The following CDH24 variants were observed in gnomAD, a reference collection of about 807,000 sequenced individuals.
The protein encoded by CDH24 is cadherin 24, also known as cadherin-24.
Under a neutral mutation model 71.2 loss-of-function variants are expected in CDH24, and 61 were observed. The ratio of observed to expected loss-of-function variants is 0.86; its 90% CI spans 0.70 to 1.06. The LOEUF (loss-of-function observed/expected upper bound fraction) is 1.06. Ranked by LOEUF, CDH24 falls within the 50% of genes least tolerant of loss-of-function variation. CDH24 has a pLI of 0.00. For synonymous variants in CDH24, 440 were observed against 470.2 expected (o/e 0.94, Z 0.83); for missense variants, 961 against 1,083.7 (o/e 0.89, Z 1.59).
chr14:23,048,277 G>GTCTCGGCGCGCGGGAGGGCC lies in CDH24; in HGVS notation c.2029_2048dup (p.Asp683GlufsTer127). ...GCGACACCCGGGCCCGGGGCAACACGTCTCGGCGCGCGGGAGGGCCGGGCG... is the reference window on the plus strand; with the variant it reads ...GCGACACCCGGGCCCGGGGCAACACGTCTCGGCGCGCGGGAGGGCCTCTCGGCGCGCGGGAGGGCCGGGCG... On this transcript the variant is annotated frameshift_variant, in exon 12 of 13. Coordinates refer to ENST00000487137, the MANE Select transcript of CDH24 (RefSeq NM_144985.4). LOFTEE classifies it high-confidence loss of function. 6.4e-7 allele frequency: 1 copy of GTCTCGGCGCGCGGGAGGGCC among 1,564,800 alleles called. No homozygotes were observed. The highest frequency in any genetic ancestry group is 8.6e-7 in the Non-Finnish European group (1 of 1,160,996).
Position 23,054,928 on chromosome 14 carries a change from TG to T in CDH24, c.497-63del, listed in dbSNP as rs11418548. 131 of 1,576,214 alleles carry T rather than the reference TG, an allele frequency of 8.3e-5. No individual in the cohort carries two copies. The highest frequency in any genetic ancestry group is 2.1e-4 in the African/African-American group (15 of 72,812). ...GGGAAGGATGGGGAAGAACAACCGA[TG>T]GGGGGGGATGCAGATACGAGGGAGG... On this transcript the variant is annotated intron_variant, in intron 3 of 12. Transcript: ENST00000487137. This position sits in a 1 kb window ranked among gnomAD's most constrained non-coding sequence, Gnocchi z 5.2.
In CDH24 at chr14:23,047,178, G is replaced by A. The variant is rs1045318785; in HGVS notation, c.*716C>T. ...CCCCTTTCCTTTCCCTACTCCCTCA[G>A]GAAGCACACAAGACAATGCCCAGGG... On this transcript the variant is annotated 3_prime_UTR_variant, in exon 13 of 13. Coordinates refer to ENST00000487137, the MANE Select transcript of CDH24 (RefSeq NM_144985.4). 3.3e-5 allele frequency: 5 copies of A among 152,346 alleles called. No individual in the cohort carries two copies. Among genetic ancestry groups the A allele is most frequent in the African/African-American group, 1.2e-4 (5 of 41,458 alleles). The allele number at this position is 152,346 out of a possible 1,614,324, so 9.4% of individuals were successfully genotyped here.
intron 11 of CDH24, 144 bp from the exon 12 acceptor site, chr14:23,048,623 C>A (rs1468711663): frequency 7.5e-6 from 6 of 800,178 alleles, no homozygotes; most frequent in Non-Finnish European, 1.2e-5. Context: ...TGAATCCTGA[C>A]TTCAGCCCTT....
Position 23,051,084 on chromosome 14 carries a change from G to A in CDH24, c.1364-1141C>T, listed in dbSNP as rs2047082368. On this transcript the variant is annotated intron_variant, in intron 8 of 12. Coordinates refer to ENST00000487137, the MANE Select transcript of CDH24 (RefSeq NM_144985.4). The surrounding 1 kb of genome is among the most constrained non-coding windows in gnomAD (Gnocchi z 4.4). ...ATAAGCAGCCAAAAACATACTGTGTGTACACGGACACACACGGCCATCCAC... is the reference window on the plus strand; with the variant it reads ...ATAAGCAGCCAAAAACATACTGTGTATACACGGACACACACGGCCATCCAC... 6.6e-6 allele frequency among the ~76,000 whole-genome samples: 1 copy of A among 152,080 alleles called. No individual in the cohort carries two copies. The highest frequency in any genetic ancestry group is 2.1e-4 in the South Asian group (1 of 4,832).
In CDH24 at chr14:23,048,408, C is replaced by T; in HGVS notation, c.1918G>A (p.Val640Ile). ...TCGTAGGTGATGATGTTCTCTCGGA[C>T]GTCCTCCTCCTCCAGTACCATCAGT... ...EALMVLEEED[V>I]RENIITYDDE... The change falls in exon 12 of 13, where the codon GTC becomes ATC. Residue 640 changes from valine to isoleucine, a missense_variant. By Grantham distance (29) the Val-to-Ile change is conservative. This residue lies in a region of CDH24 where 290 missense variants were observed against 272.8 expected (regional missense o/e 1.06). Coordinates refer to ENST00000487137, the MANE Select transcript of CDH24 (RefSeq NM_144985.4). 1 of 1,612,440 alleles carries T rather than the reference C, an allele frequency of 6.2e-7. No individual in the cohort carries two copies. Among genetic ancestry groups the T allele is most frequent in the Non-Finnish European group, 8.5e-7 (1 of 1,179,638 alleles).
At chr14:23,052,980 C>T (rs1032393877) in intron 7 of CDH24, among the ~76,000 whole-genome samples, 2 of 152,136 alleles carry the variant, frequency 1.3e-5, no homozygotes, top group African/African-American at 2.4e-5. Flanking sequence ...TGTTTAACCT[C>T]TATTTACTCA....
chr14:23,049,124 G>A lies in CDH24; in HGVS notation c.1749C>T (p.Gly583=), dbSNP rs764261647. ...CCTCAGGCCAGCAGGATGCCACAGA[G>A]CCGTCAGGCTGGCAGCGGCACACAC... ...TVSVCRCQPD[G]SVASCWPEAH... is the part of the protein sequence containing the mutation. Residue 583 remains glycine, a synonymous_variant, in exon 11 of 13, where the codon GGC becomes GGT. Coordinates refer to ENST00000487137, the MANE Select transcript of CDH24 (RefSeq NM_144985.4). 2 of 1,607,008 alleles carry A rather than the reference G, an allele frequency of 1.2e-6. No individual in the cohort carries two copies. Among genetic ancestry groups the A allele is most frequent in the Admixed American group, 1.7e-5 (1 of 59,056 alleles).
At position 23,049,045 on chromosome 14, in the gene CDH24, A is replaced by G; in HGVS notation, c.1828T>C (p.Cys610Arg). ...GACTCACCAAGCAGGGCACCCACAC[A>G]GGTGATGATGGCAAGCAGGGCGCCG... ...STGALLAIIT[C>R]VGALLALVVL... The change falls in exon 11 of 13, where the codon TGT (cysteine) becomes CGT (arginine). Residue 610 changes from cysteine to arginine, a missense_variant. Cys to Arg is a radical substitution (Grantham distance 180). This residue lies in a region of CDH24 where 290 missense variants were observed against 272.8 expected (regional missense o/e 1.06). Coordinates refer to ENST00000487137, the MANE Select transcript of CDH24 (RefSeq NM_144985.4). 1 of 1,612,604 alleles carries G rather than the reference A, an allele frequency of 6.2e-7. No homozygotes were observed. The highest frequency in any genetic ancestry group is 8.5e-7 in the Non-Finnish European group (1 of 1,179,842).
intron 7 of CDH24, 23 bp downstream of exon 7, chr14:23,053,473 A>C: frequency 6.5e-7 from 1 of 1,542,088 alleles, no homozygotes; most frequent in Middle Eastern, 2.0e-4. Flanking sequence ...CTGGCTCCCC[A>C]GCCCACATCC....
intron 10 of CDH24, 27 bp downstream of exon 10, chr14:23,049,600 T>C (rs1300887668): frequency 1.5e-6 from 2 of 1,309,266 alleles, no homozygotes; most frequent in African/African-American, 1.5e-5. Context: ...GAGGCAGGTA[T>C]GGACATGGCT....
chr14:23,054,640 C>G lies in CDH24; in HGVS notation c.650G>C (p.Arg217Pro), dbSNP rs778309563. ...VVRTAIPNMD[R>P]ETQEEFLVVI... ...CACCAAGAACTCCTCCTGTGTCTCC[C>G]GGTCCATGTTGGGGATGGCTGTACG... The change falls in exon 5 of 13, where the codon CGG becomes CCG. Residue 217 changes from arginine (R) to proline (P), a missense_variant. Physicochemically the swap from Arg to Pro is moderately radical, Grantham distance 103. Coordinates refer to ENST00000487137, the MANE Select transcript of CDH24 (RefSeq NM_144985.4). The surrounding 1 kb of genome is among the most constrained non-coding windows in gnomAD (Gnocchi z 5.2). The G allele has an allele frequency of 6.2e-7, 1 of 1,613,974 alleles. No individual in the cohort carries two copies.
chr14:23,051,346 G>A lies in CDH24; in HGVS notation c.1363+1127C>T, dbSNP rs756070493. Reference sequence around the variant, plus strand: ...AGTTACTTAACTTCTCTTTGCCTGAGTTTATTGTTTAAAAATGAGGAAATA... The same window carrying A: ...AGTTACTTAACTTCTCTTTGCCTGAATTTATTGTTTAAAAATGAGGAAATA... On this transcript the variant is annotated intron_variant, in intron 8 of 12. Coordinates refer to ENST00000487137, the MANE Select transcript of CDH24 (RefSeq NM_144985.4). The surrounding 1 kb of genome is among the most constrained non-coding windows in gnomAD (Gnocchi z 4.4). 1.3e-5 allele frequency among the ~76,000 whole-genome samples: 2 copies of A among 152,154 alleles called. No homozygotes were observed. The highest frequency in any genetic ancestry group is 2.9e-5 in the Non-Finnish European group (2 of 68,042).
In CDH24 at chr14:23,051,939, C is replaced by T; in HGVS notation, c.1363+534G>A. The T allele has an allele frequency of 7.7e-7, 1 of 1,299,218 alleles. No homozygotes were observed. The highest frequency in any genetic ancestry group is 1.1e-6 in the Non-Finnish European group (1 of 934,424). 80.5% of individuals were successfully genotyped at this position (1,299,218 alleles called of 1,614,324 possible). A position where few individuals can be genotyped will look rare whatever the true frequency, so the allele number is the denominator to read the frequency against. Reference sequence around the variant, plus strand: ...GAGACCGCATATGGAGCTGGCACTCCTCCCCTTCCTTATGGTGTCCACTCC... The same window carrying T: ...GAGACCGCATATGGAGCTGGCACTCTTCCCCTTCCTTATGGTGTCCACTCC... On this transcript the variant is annotated intron_variant, in intron 8 of 12. Transcript: ENST00000487137. The surrounding 1 kb of genome is among the most constrained non-coding windows in gnomAD (Gnocchi z 4.4).
At chr14:23,049,360 G>C (rs2047066997) in intron 10 of CDH24, 85 bp from the exon 11 acceptor site, 3 of 1,338,316 alleles carry the variant, frequency 2.2e-6, no homozygotes, top group Non-Finnish European at 3.0e-6. Context: ...GCTTCCCATA[G>C]AGCCAGCCCC....
Position 23,053,646 on chromosome 14 carries a change from G to T in CDH24, c.1076C>A (p.Ala359Asp), listed in dbSNP as rs893792262. The change falls in exon 7 of 13, where the codon GCC becomes GAC. Residue 359 changes from alanine (A) to aspartate (D), a missense_variant. Ala to Asp is a moderately radical substitution (Grantham distance 126). Coordinates refer to ENST00000487137, the MANE Select transcript of CDH24 (RefSeq NM_144985.4). ...ATCTTGCACTGCCACACGCACAGAG[G>T]CCACATCCTTGAAGGGCCCTCGCCG... Reference protein sequence around the residue: ...YLRRGPFKDVASVRVAVQDAP... With the variant: ...YLRRGPFKDVDSVRVAVQDAP... The T allele has an allele frequency of 6.2e-7, 1 of 1,613,964 alleles. No individual in the cohort carries two copies. Among genetic ancestry groups the T allele is most frequent in the East Asian group, 2.2e-5 (1 of 44,890 alleles).
intron 7 of CDH24, 73 bp from the exon 8 acceptor site, chr14:23,052,682 C>A: frequency 6.6e-7 from 1 of 1,513,136 alleles, no homozygotes; most frequent in African/African-American, 1.4e-5. Flanking sequence ...TCTCTTCTTT[C>A]TTCCCTCTGT....
Position 23,049,286 on chromosome 14 carries a change from G to A in CDH24, c.1598-11C>T, listed in dbSNP as rs1469060892. On this transcript the variant is annotated splice_polypyrimidine_tract_variant and intron_variant, in intron 10 of 12. Transcript: ENST00000487137. ...GGCTGGCGGAGCCATCTGTGGGAGAGGGAAGGTGTTGAGGTATCTTCTGGG... is the reference window on the plus strand; with the variant it reads ...GGCTGGCGGAGCCATCTGTGGGAGAAGGAAGGTGTTGAGGTATCTTCTGGG... The A allele has an allele frequency of 1.3e-6, 2 of 1,565,558 alleles. No individual in the cohort carries two copies. The highest frequency in any genetic ancestry group is 2.0e-4 in the Middle Eastern group (1 of 5,032).
chr14:23,050,017 G>C, intron 8 of CDH24, 74 bp from the exon 9 acceptor site: 1 of 1,562,568 alleles, frequency 6.4e-7, no homozygotes, highest in Non-Finnish European at 8.7e-7. Flanking sequence ...GTGGTGCATG[G>C]GCATGGATGC....
chr14:23,053,470 C>T, intron 7 of CDH24, 26 bp downstream of exon 7: 3 of 1,539,840 alleles, frequency 1.9e-6, no homozygotes, highest in Non-Finnish European at 2.6e-6. Context: ...CATCTGGCTC[C>T]CCAGCCCACA....
Sources: gnomAD v4.1 joint callset for allele counts (sites outside exome capture counted in the v4.1 genomes callset) on GRCh38, gnomAD v4.1.1 for gene constraint, gnomAD v4.1.1 regional missense constraint, Gnocchi (gnomAD v3.1) non-coding constraint, MANE v1.5 for transcripts, NCBI Gene and HGNC (gene_info 2026-07-23, HGNC 2026-07-21) for gene names.